KANK1: variants seen among roughly 807,000 people sequenced by gnomAD.
KANK1 encodes the protein KN motif and ankyrin repeat domains 1.
Under a neutral mutation model 106.2 loss-of-function variants are expected in KANK1, and 109 were observed. That is an observed-to-expected ratio of 1.03 (90% CI 0.88 to 1.20). KANK1 has a LOEUF of 1.20. Among genes scored for constraint, KANK1 ranks in the 50% most tolerant of loss-of-function variants. The pLI, the probability that KANK1 is intolerant of heterozygous loss-of-function variation, is 0.00. For synonymous variants in KANK1, 873 were observed against 652.2 expected (o/e 1.34, Z -5.16); for missense variants, 2,399 against 1,710.7 (o/e 1.40, Z -7.10).
chr9:627,435 G>C (rs559166795), intron 1 of KANK1, among the ~76,000 whole-genome samples: 38 of 152,166 alleles, frequency 2.5e-4, no homozygotes, highest in Admixed American at 2.5e-3. Context: ...TTGTGCCCAG[G>C]AGAGGACCTT....
chr9:495,584 C>T (rs1001946217), intron 3 of KANK1: 23 of 152,024 alleles, frequency 1.5e-4, no homozygotes, highest in African/African-American at 5.3e-4. Context: ...TATCAAGGAG[C>T]ATTGAATATA....
intron 1 of KANK1, among the ~76,000 whole-genome samples, chr9:580,008 A>C (rs1821620029): frequency 6.6e-6 from 1 of 152,168 alleles, no homozygotes; most frequent in South Asian, 2.1e-4. Flanking sequence ...AGACTTCAAG[A>C]ATGAAGCCAC....
rs9408680 is a variant in KANK1 at position 689,277 on chromosome 9, G to T, written c.37+12268G>T. ...CCTTCACATGTGTTTGGGGAAATGC[G>T]TTTGTTGAATAAAGGATAAGAAGAC... On this transcript the variant is annotated intron_variant, in intron 2 of 11. Coordinates refer to ENST00000382297, the MANE Select transcript of KANK1 (RefSeq NM_015158.5). 9.9e-5 allele frequency among the ~76,000 whole-genome samples: 15 copies of T among 152,114 alleles called. No homozygotes were observed. In the East Asian group the frequency reaches 2.9e-3, roughly 29 times the overall value.
intron 2 of KANK1, among the ~76,000 whole-genome samples, chr9:694,297 C>G (rs569037665): frequency 6.6e-6 from 1 of 152,302 alleles, no homozygotes; most frequent in Non-Finnish European, 1.5e-5. Flanking sequence ...TTAGCCAGTG[C>G]TCCTTTTCTG....
intron 3 of KANK1, among the ~76,000 whole-genome samples, chr9:718,298 CTTTT>C (rs60145502): frequency 4.0e-5 from 3 of 74,088 alleles, no homozygotes; most frequent in Non-Finnish European, 7.3e-5. Flanking sequence ...CTTGCTGTGT[CTTTT>C]TTTTTTTTTT....
intron 1 of KANK1, among the ~76,000 whole-genome samples, chr9:525,530 C>T (rs1202971455): frequency 2.0e-5 from 3 of 151,206 alleles, no homozygotes; most frequent in Non-Finnish European, 4.4e-5. Context: ...CTGGGATGCG[C>T]CGCCATGCCC....
At chr9:482,659 C>G (rs537826840) in intron 3 of KANK1, among the ~76,000 whole-genome samples, 1 of 152,322 alleles carries the variant, frequency 6.6e-6, no homozygotes, top group East Asian at 1.9e-4. Flanking sequence ...TGTGATTGTA[C>G]CATTCATATG....
At chr9:653,719 C>A (rs1009839122) in intron 1 of KANK1, among the ~76,000 whole-genome samples, 1 of 152,104 alleles carries the variant, frequency 6.6e-6, no homozygotes, top group Non-Finnish European at 1.5e-5. Flanking sequence ...GGTAACAGAA[C>A]TGTGATCTGG....
At position 745,807 on chromosome 9, in the gene KANK1, A is replaced by G. The variant is rs1291296202; in HGVS notation, c.*572A>G. On this transcript the variant is annotated 3_prime_UTR_variant, in exon 12 of 12. Coordinates refer to ENST00000382297, the MANE Select transcript of KANK1 (RefSeq NM_015158.5). ...GTAGATGTAATATATGACTTTTTAT[A>G]AAAAGGGTATCTATATGAACTTGAC... 1 of 152,628 alleles carries G rather than the reference A, an allele frequency of 6.6e-6. No homozygotes were observed. Among genetic ancestry groups the G allele is most frequent in the Non-Finnish European group, 1.5e-5 (1 of 68,038 alleles). 9.5% of individuals were successfully genotyped at this position (152,628 alleles called of 1,614,324 possible).
chr9:602,878 G>T (rs1828121198), intron 1 of KANK1, among the ~76,000 whole-genome samples: 2 of 151,722 alleles, frequency 1.3e-5, no homozygotes, highest in Admixed American at 6.6e-5. Flanking sequence ...TCATATTTTT[G>T]CTATTACATC....
chr9:679,584 T>G (rs1817118292), intron 2 of KANK1, among the ~76,000 whole-genome samples: 1 of 152,086 alleles, frequency 6.6e-6, no homozygotes, highest in South Asian at 2.1e-4. Context: ...CTGGCCAATT[T>G]TTGTATTTTT....
At chr9:622,099 G>A (rs1270163661) in intron 1 of KANK1, among the ~76,000 whole-genome samples, 1 of 152,162 alleles carries the variant, frequency 6.6e-6, no homozygotes, top group Admixed American at 6.5e-5. Context: ...GTTGTGTCAT[G>A]GGAATTTATA....
rs759585537 is a variant in KANK1, at chr9:712,632, CAAA to C, written c.1867_1869del (p.Lys623del). ...CACTCCTCAAGACAAACTTGAATCT[CAAA>C]GAAGTGCGGTCTATCGGTTGTGGAG... On this transcript the variant is annotated inframe_deletion, in exon 3 of 12. Coordinates refer to ENST00000382297, the MANE Select transcript of KANK1 (RefSeq NM_015158.5). The C allele has an allele frequency of 2.6e-5, 42 of 1,614,052 alleles. No homozygotes were observed. Among genetic ancestry groups the C allele is most frequent in the East Asian group, 6.7e-5 (3 of 44,896 alleles).
intron 3 of KANK1, among the ~76,000 whole-genome samples, chr9:724,849 T>C (rs1830267741): frequency 6.6e-6 from 1 of 152,096 alleles, no homozygotes; most frequent in African/African-American, 2.4e-5. Context: ...TAGTGAGACT[T>C]TTTGGAGGCC....
Position 607,404 on chromosome 9 carries a change from G to T in KANK1, c.-83-69486G>T, listed in dbSNP as rs964803182. ...GGACGGTGAGGCAGGAGAATCGCTT[G>T]AATCCGGGAAGCAGAGGTTGCAGTG... On this transcript the variant is annotated intron_variant, in intron 1 of 11. Transcript: ENST00000382297. 2.1e-5 allele frequency among the ~76,000 whole-genome samples: 3 copies of T among 141,240 alleles called. No individual in the cohort carries two copies. The Admixed American group carries it at 2.3e-4, about 11-fold the overall frequency. The allele number at this position is 141,240 out of a possible 152,430, so 92.7% of individuals were successfully genotyped here. A position where few individuals can be genotyped will look rare whatever the true frequency, so the allele number is the denominator to read the frequency against.
rs1825830990 is a variant in KANK1 at position 710,813 on chromosome 9, G to A, written c.47G>A (p.Gly16Asp). The A allele has an allele frequency of 6.3e-7, 1 of 1,586,038 alleles. No individual in the cohort carries two copies. The highest frequency in any genetic ancestry group is 8.5e-7 in the Non-Finnish European group (1 of 1,169,600). The change falls in exon 3 of 12, where the codon GGT becomes GAT. Residue 16 changes from glycine to aspartate, a missense_variant. By Grantham distance (94) the Gly-to-Asp change is moderately conservative (BLOSUM62 -1). Transcript: ENST00000382297. ...KVNGSASGKA[G>D]DILSGDQDKE... Reference sequence around the variant, plus strand: ...TTTCTCCCTCTTCTAGGAAAAGCAGGTGATATTCTCAGTGGAGACCAGGAC... The same window carrying A: ...TTTCTCCCTCTTCTAGGAAAAGCAGATGATATTCTCAGTGGAGACCAGGAC...
intron 1 of KANK1, among the ~76,000 whole-genome samples, chr9:642,313 G>A (rs1455426935): frequency 6.6e-6 from 1 of 150,918 alleles, no homozygotes; most frequent in Non-Finnish European, 1.5e-5. Flanking sequence ...AAAGATAGCG[G>A]AAGGGAATAA....
rs1213753738 is a variant in KANK1 at position 712,589 on chromosome 9, A to C, written c.1823A>C (p.Glu608Ala). The change falls in exon 3 of 12, where the codon GAG becomes GCG. Residue 608 changes from glutamate (E) to alanine (A), a missense_variant. Glu to Ala is a moderately radical substitution (Grantham distance 107). Coordinates refer to ENST00000382297, the MANE Select transcript of KANK1 (RefSeq NM_015158.5). ...SVCETGSNTE[E>A]SVNDLTLLKT... ...TGCGAAACAGGCAGCAACACAGAGG[A>C]GTCTGTGAACGACCTCACACTCCTC... 1.9e-6 allele frequency: 3 copies of C among 1,614,070 alleles called. No individual in the cohort carries two copies. Among genetic ancestry groups the C allele is most frequent in the Non-Finnish European group, 2.5e-6 (3 of 1,180,036 alleles).
chr9:712,547 G>T lies in KANK1; in HGVS notation c.1781G>T (p.Ser594Ile), dbSNP rs1458143114. 1.9e-6 allele frequency: 3 copies of T among 1,614,234 alleles called. No individual in the cohort carries two copies. The highest frequency in any genetic ancestry group is 1.7e-6 in the Non-Finnish European group (2 of 1,180,052). The change falls in exon 3 of 12, where the codon AGT becomes ATT. Residue 594 changes from serine to isoleucine, a missense_variant. Transcript: ENST00000382297. ...RSVEMCDKSV[S>I]VEVSVCETGS... ...GTGGAAATGTGTGACAAGAGTGTGAGTGTGGAAGTCAGCGTCTGCGAAACA... is the reference window on the plus strand; with the variant it reads ...GTGGAAATGTGTGACAAGAGTGTGATTGTGGAAGTCAGCGTCTGCGAAACA...
Sources: allele counts gnomAD v4.1 joint callset (sites outside exome capture counted in the v4.1 genomes callset), GRCh38; gene constraint gnomAD v4.1.1; transcripts MANE v1.5; gene names NCBI Gene and HGNC (gene_info 2026-07-23, HGNC 2026-07-21).